NCOA6: variants seen among roughly 807,000 people sequenced by gnomAD.
The protein encoded by NCOA6 is nuclear receptor coactivator 6, also known as NRC RAP250.
In NCOA6, 49 loss-of-function variants were observed where a neutral mutation model predicts 171.4. That is an observed-to-expected ratio of 0.29 (90% CI 0.23 to 0.36). The LOEUF is 0.36. Ranked by LOEUF, NCOA6 falls within the 10% of genes least tolerant of loss-of-function variation. The pLI, the probability that NCOA6 is intolerant of heterozygous loss-of-function variation, is 1.00. For synonymous variants in NCOA6, 910 were observed against 927.5 expected (o/e 0.98, Z 0.34); for missense variants, 2,248 against 2,554.5 (o/e 0.88, Z 2.59).
intron 8 of NCOA6, among the ~76,000 whole-genome samples, chr20:34,751,376 CAAAAAAAAA>C (rs35848122): frequency 1.5e-5 from 1 of 68,292 alleles, no homozygotes. Context: ...GACTCCGTCT[CAAAAAAAAA>C]AAAAAAAAAA....
intron 1 of NCOA6, among the ~76,000 whole-genome samples, chr20:34,818,546 C>A (rs2078911303): frequency 6.6e-6 from 1 of 152,162 alleles, no homozygotes; most frequent in Admixed American, 6.5e-5. Flanking sequence ...CTTCTCCAAG[C>A]AAAGTGGACT....
chr20:34,720,802 T>C (rs74850142), intron 14 of NCOA6, among the ~76,000 whole-genome samples: 6 of 152,220 alleles, frequency 3.9e-5, no homozygotes, highest in Admixed American at 3.9e-4. Flanking sequence ...AGCTTGATAT[T>C]TGGTGATCAC....
chr20:34,725,341 G>A (rs1425112403), intron 14 of NCOA6, among the ~76,000 whole-genome samples: 1 of 152,194 alleles, frequency 6.6e-6, no homozygotes, highest in Admixed American at 6.5e-5. Context: ...GAAGAACCTG[G>A]TGCTGTGATT....
At position 34,741,591 on chromosome 20, in the gene NCOA6, C is replaced by G. The variant is rs534779081; in HGVS notation, c.4665G>C (p.Leu1555=). 5 of 1,614,206 alleles carry G rather than the reference C, an allele frequency of 3.1e-6. No individual in the cohort carries two copies. Among genetic ancestry groups the G allele is most frequent in the Non-Finnish European group, 4.2e-6 (5 of 1,180,036 alleles). Residue 1555 remains leucine (L), a synonymous_variant, in exon 11 of 15, where the codon CTG becomes CTC. Transcript: ENST00000359003. ...NSLNLPHSNE[L]CSSLVHPELS... ...ATTCGGGATGCACAAGGGATGAACA[C>G]AGCTCATTACTGTGAGGTAAGTTTA...
intron 6 of NCOA6, 56 bp from the exon 7 acceptor site, chr20:34,758,160 A>AG: frequency 6.5e-7 from 1 of 1,538,234 alleles, no homozygotes; most frequent in Non-Finnish European, 8.7e-7. Flanking sequence ...TAGATCTTAG[A>AG]GAAGTGGCCT....
Position 34,825,613 on chromosome 20 carries a change from G to C in NCOA6, c.-305C>G, listed in dbSNP as rs1263390018. On this transcript the variant is annotated 5_prime_UTR_variant, in exon 1 of 15. Transcript: ENST00000359003. Reference sequence around the variant, plus strand: ...GCCCGCGCCCGGCCGCCCGCAGCCCGACCCGGCAGGGCCTCACGGAGCCGG... The same window carrying C: ...GCCCGCGCCCGGCCGCCCGCAGCCCCACCCGGCAGGGCCTCACGGAGCCGG... The C allele has an allele frequency of 6.6e-6, 1 of 151,492 alleles. No homozygotes were observed. The highest frequency in any genetic ancestry group is 1.5e-5 in the Non-Finnish European group (1 of 67,922). The allele number at this position is 151,492 out of a possible 1,614,324, so 9.4% of individuals were successfully genotyped here. A position where few individuals can be genotyped will look rare whatever the true frequency, so the allele number is the denominator to read the frequency against.
rs1160195207 is a variant in NCOA6 at position 34,743,327 on chromosome 20, G to A, written c.2929C>T (p.Pro977Ser). 1 of 1,603,078 alleles carries A rather than the reference G, an allele frequency of 6.2e-7. No homozygotes were observed. Among genetic ancestry groups the A allele is most frequent in the South Asian group, 1.1e-5 (1 of 90,564 alleles). Residue 977 changes from proline to serine, a missense_variant, in exon 11 of 15, where the codon CCA becomes TCA. Pro to Ser is a moderately conservative substitution (Grantham distance 74, BLOSUM62 -1). Transcript: ENST00000359003. ...SNRPPGYPSQ[P>S]VEQRPLQQMP... ...TGCTGAAGTGGCCTCTGTTCAACTG[G>A]TTGAGAAGGATAACCTAAAACAAGC...
At chr20:34,727,225 G>A (rs1273031908) in intron 14 of NCOA6, 34 bp downstream of exon 14, 2 of 1,607,154 alleles carry the variant, frequency 1.2e-6, no homozygotes, top group African/African-American at 2.7e-5. Context: ...TCCTCTATTT[G>A]ACCCACAAAT....
At chr20:34,809,832 G>A (rs991736137) in intron 1 of NCOA6, among the ~76,000 whole-genome samples, 1 of 152,168 alleles carries the variant, frequency 6.6e-6, no homozygotes, top group Non-Finnish European at 1.5e-5. Context: ...GCCAGGCATG[G>A]TGGCGCACTC....
chr20:34,800,836 T>A (rs944331290), intron 1 of NCOA6, among the ~76,000 whole-genome samples: 1 of 152,128 alleles, frequency 6.6e-6, no homozygotes, highest in Admixed American at 6.6e-5. Flanking sequence ...AAAAATCAGA[T>A]GTAATCTGCA....
chr20:34,741,044 C>G lies in NCOA6; in HGVS notation c.5212G>C (p.Ala1738Pro), dbSNP rs996354389. Residue 1738 changes from alanine (A) to proline (P), a missense_variant, in exon 11 of 15, where the codon GCC (alanine) becomes CCC (proline). Ala to Pro is a conservative substitution (Grantham distance 27). Around this residue, in one of 7 missense-constraint regions of NCOA6, gnomAD observed 884 missense variants for 941.9 expected, o/e 0.94. Coordinates refer to ENST00000359003, the MANE Select transcript of NCOA6 (RefSeq NM_014071.5). ...TGRPLVLSSR[A>P]TPVQLPSPPC... Reference sequence around the variant, plus strand: ...GGGGAAGGAAGCTGAACAGGGGTGGCTCGTGAGCTAAGGACCAAAGGTCGA... The same window carrying G: ...GGGGAAGGAAGCTGAACAGGGGTGGGTCGTGAGCTAAGGACCAAAGGTCGA... The G allele has an allele frequency of 1.2e-6, 2 of 1,614,058 alleles. No individual in the cohort carries two copies. Among genetic ancestry groups the G allele is most frequent in the African/African-American group, 2.7e-5 (2 of 74,912 alleles).
chr20:34,795,949 T>C (rs1254775092), intron 1 of NCOA6, among the ~76,000 whole-genome samples: 1 of 152,136 alleles, frequency 6.6e-6, no homozygotes, highest in African/African-American at 2.4e-5. Flanking sequence ...TTAACACTTG[T>C]TTAAACTACA....
intron 1 of NCOA6, among the ~76,000 whole-genome samples, chr20:34,825,250 C>G (rs895821588): frequency 6.6e-6 from 1 of 151,762 alleles, no homozygotes; most frequent in African/African-American, 2.4e-5. Context: ...CGCCCCCGCC[C>G]GCAGGCCTGG....
At chr20:34,784,241 A>AT (rs1238185842) in intron 2 of NCOA6, among the ~76,000 whole-genome samples, 4 of 149,958 alleles carry the variant, frequency 2.7e-5, no homozygotes, top group African/African-American at 4.9e-5. Flanking sequence ...TTTTTAATTT[A>AT]TTTTTTTGAG....
At chr20:34,722,823 T>TAA (rs71196758) in intron 14 of NCOA6, among the ~76,000 whole-genome samples, 2 of 151,144 alleles carry the variant, frequency 1.3e-5, no homozygotes, top group Non-Finnish European at 2.9e-5. Context: ...CCATCTCTAC[T>TAA]AAAAAAAATA....
chr20:34,796,160 CCA>C (rs2078065269), intron 1 of NCOA6, among the ~76,000 whole-genome samples: 1 of 151,724 alleles, frequency 6.6e-6, no homozygotes. Flanking sequence ...AGGTGCACAA[CCA>C]CCATGCCCAG....
At chr20:34,734,613 T>C (rs1457564556) in intron 12 of NCOA6, among the ~76,000 whole-genome samples, 2 of 152,184 alleles carry the variant, frequency 1.3e-5, no homozygotes, top group Admixed American at 1.3e-4. Flanking sequence ...CCTAAAGTGC[T>C]GGGGTTAGAG....
intron 14 of NCOA6, among the ~76,000 whole-genome samples, chr20:34,722,879 C>G (rs1170039642): frequency 2.6e-5 from 4 of 151,882 alleles, no homozygotes. Context: ...GTGGTGCAAG[C>G]CTCTGTAATG....
At chr20:34,799,210 G>A (rs2146436135) in intron 1 of NCOA6, among the ~76,000 whole-genome samples, 1 of 152,218 alleles carries the variant, frequency 6.6e-6, no homozygotes, top group East Asian at 1.9e-4. Flanking sequence ...ACTAAAGAAT[G>A]CATCAGTCTC....
Sources: allele counts gnomAD v4.1 joint callset (sites outside exome capture counted in the v4.1 genomes callset), GRCh38; gene constraint gnomAD v4.1.1; regional missense constraint gnomAD v4.1.1; transcripts MANE v1.5; gene names NCBI Gene and HGNC (gene_info 2026-07-23, HGNC 2026-07-21).